Variants in TBC1D5 observed in about 807,000 individuals in gnomAD.
The protein encoded by TBC1D5 is TBC1 domain family member 5.
Under a neutral mutation model 100.3 loss-of-function variants are expected in TBC1D5, and 75 were observed. The observed-to-expected ratio is 0.75, with a 90% CI of 0.62 to 0.91. The LOEUF is 0.91. TBC1D5 is among the 40% of genes least tolerant of loss of function. The pLI, the probability that TBC1D5 is intolerant of heterozygous loss-of-function variation, is 0.00. For missense variants in TBC1D5, 910 were observed against 942.4 expected (o/e 0.97, Z 0.45); for synonymous variants, 323 against 325.6 (o/e 0.99, Z 0.09).
rs187337828 is a variant in TBC1D5, at chr3:17,546,278, T to C, written c.-35-37673A>G. Among the ~76,000 whole-genome samples, 513 of 152,284 alleles carry C rather than the reference T, an allele frequency of 3.4e-3. 4 individuals carry two copies. Among genetic ancestry groups the C allele is most frequent in the Non-Finnish European group, 5.9e-3 (402 of 68,018 alleles). ...AATCCTATCTAAGATTCCAAAATTATATGTAAACTACTTACAGGGTGCTTA... is the reference window on the plus strand; with the variant it reads ...AATCCTATCTAAGATTCCAAAATTACATGTAAACTACTTACAGGGTGCTTA... On this transcript the variant is annotated intron_variant, in intron 2 of 21. Coordinates refer to ENST00000253692, the Ensembl canonical transcript of TBC1D5.
At chr3:17,568,846 T>A (rs2096608946) in intron 2 of TBC1D5, among the ~76,000 whole-genome samples, 1 of 151,786 alleles carries the variant, frequency 6.6e-6, no homozygotes, top group Non-Finnish European at 1.5e-5. Context: ...TGTTTACTCA[T>A]GTAGCTATAC....
intron 19 of TBC1D5, among the ~76,000 whole-genome samples, chr3:17,171,010 G>A (rs910116621): frequency 8.5e-5 from 13 of 152,152 alleles, no homozygotes; most frequent in Admixed American, 7.9e-4. Flanking sequence ...CCAATACAGT[G>A]TCTATACAAG....
At chr3:17,735,528 C>T (rs751377132) in intron 1 of TBC1D5, among the ~76,000 whole-genome samples, 51 of 152,176 alleles carry the variant, frequency 3.4e-4, no homozygotes, top group Admixed American at 5.9e-4. Context: ...CTTTTGTTCT[C>T]TGACCTGGGG....
chr3:17,646,252 G>C (rs1411905795), intron 1 of TBC1D5, among the ~76,000 whole-genome samples: 4 of 152,058 alleles, frequency 2.6e-5, no homozygotes, highest in Non-Finnish European at 5.9e-5. Context: ...ACAGTAGCTG[G>C]AAAAATCAGA....
chr3:17,649,045 C>G (rs575794115), intron 1 of TBC1D5, among the ~76,000 whole-genome samples: 1 of 152,234 alleles, frequency 6.6e-6, no homozygotes, highest in South Asian at 2.1e-4. Flanking sequence ...CACTGCAGCA[C>G]TATTCACAAT....
chr3:17,719,263 T>C (rs979996527), intron 1 of TBC1D5, among the ~76,000 whole-genome samples: 4 of 152,216 alleles, frequency 2.6e-5, no homozygotes, highest in African/African-American at 9.6e-5. Context: ...TGCAGTGTTA[T>C]GTATTTTTCC....
intron 2 of TBC1D5, among the ~76,000 whole-genome samples, chr3:17,517,389 A>G (rs1353875580): frequency 3.3e-5 from 5 of 152,228 alleles, no homozygotes; most frequent in Non-Finnish European, 7.3e-5. Flanking sequence ...GTTTCATTTA[A>G]AAGTTTTAAC....
rs1339255971 is a variant in TBC1D5, at chr3:17,497,121, CA to C, written c.97+11352del. Among the ~76,000 whole-genome samples, 342 of 151,736 alleles carry C rather than the reference CA, an allele frequency of 2.3e-3. 2 individuals are homozygous for C. Among genetic ancestry groups the C allele is most frequent in the African/African-American group, 7.4e-3 (307 of 41,390 alleles). The stretch of plus-strand genomic sequence containing the variant: ...ACACACACACACACACACACACACA[CA>C]CACACACACACACACCATCCTTGTA... On this transcript the variant is annotated intron_variant, in intron 3 of 21. Coordinates refer to ENST00000253692, the Ensembl canonical transcript of TBC1D5.
At chr3:17,598,585 C>A (rs1362134284) in intron 2 of TBC1D5, among the ~76,000 whole-genome samples, 2 of 152,124 alleles carry the variant, frequency 1.3e-5, no homozygotes, top group African/African-American at 4.8e-5. Flanking sequence ...ACACTGTAAT[C>A]CATTTTCTTC....
intron 1 of TBC1D5, chr3:17,705,972 A>G: frequency 2.1e-6 from 3 of 1,414,306 alleles, no homozygotes; most frequent in East Asian, 2.6e-5. Context: ...GCTCCTCAGC[A>G]TTTCTTTACT....
intron 18 of TBC1D5, among the ~76,000 whole-genome samples, chr3:17,194,122 G>A (rs1055997666): frequency 5.9e-5 from 9 of 152,082 alleles, no homozygotes; most frequent in Non-Finnish European, 1.2e-4. Flanking sequence ...GGATGCAGCT[G>A]GTCCATGGAC....
intron 2 of TBC1D5, among the ~76,000 whole-genome samples, chr3:17,541,034 A>G (rs1422754867): frequency 6.6e-6 from 1 of 151,018 alleles, no homozygotes; most frequent in Non-Finnish European, 1.5e-5. Flanking sequence ...TCCTTATGCT[A>G]GTACAACACT....
At chr3:17,691,342 G>A (rs2071122355) in intron 1 of TBC1D5, among the ~76,000 whole-genome samples, 1 of 152,156 alleles carries the variant, frequency 6.6e-6, no homozygotes, top group African/African-American at 2.4e-5. Context: ...CTTCTAGAAT[G>A]TTTTATCAAT....
intron 18 of TBC1D5, among the ~76,000 whole-genome samples, chr3:17,188,157 T>C (rs554768321): frequency 3.7e-4 from 57 of 152,314 alleles, no homozygotes; most frequent in African/African-American, 1.3e-3. Flanking sequence ...GCAGGAACAT[T>C]ACTGTAATAA....
intron 16 of TBC1D5, among the ~76,000 whole-genome samples, chr3:17,238,765 T>A (rs1444945154): frequency 6.6e-6 from 1 of 152,132 alleles, no homozygotes; most frequent in Non-Finnish European, 1.5e-5. Flanking sequence ...AATAATCACA[T>A]AAATAAATAT....
At chr3:17,481,960 C>T (rs2095507177) in intron 3 of TBC1D5, among the ~76,000 whole-genome samples, 2 of 152,174 alleles carry the variant, frequency 1.3e-5, no homozygotes, top group Admixed American at 6.5e-5. Context: ...AGGGTGGTCT[C>T]GAACTCCTGA....
intron 14 of TBC1D5, among the ~76,000 whole-genome samples, chr3:17,295,350 T>G (rs1310162704): frequency 6.6e-6 from 1 of 152,172 alleles, no homozygotes; most frequent in Non-Finnish European, 1.5e-5. Flanking sequence ...ATCTACAGGG[T>G]TTCTGTAAGA....
intron 9 of TBC1D5, 118 bp from the exon 10 acceptor site, chr3:17,376,731 A>G: frequency 1.6e-6 from 1 of 640,452 alleles, no homozygotes; most frequent in Middle Eastern, 2.8e-4. Flanking sequence ...TTTCCACATT[A>G]CATAGAAACA....
At chr3:17,268,866 T>C (rs892349017) in intron 15 of TBC1D5, among the ~76,000 whole-genome samples, 1 of 152,172 alleles carries the variant, frequency 6.6e-6, no homozygotes, top group African/African-American at 2.4e-5. Flanking sequence ...ACAGCTTTCC[T>C]CTTGGGAAGG....
Sources: gnomAD v4.1 joint callset for allele counts (sites outside exome capture counted in the v4.1 genomes callset) on GRCh38, gnomAD v4.1.1 for gene constraint, MANE v1.5 for transcripts, NCBI Gene and HGNC (gene_info 2026-07-23, HGNC 2026-07-21) for gene names.